LHX8: variants seen among roughly 807,000 people sequenced by gnomAD.
The protein encoded by LHX8 is LIM/homeobox protein Lhx8.
A neutral mutation model predicts 40.3 loss-of-function variants in LHX8; 12 were observed. The ratio of observed to expected loss-of-function variants is 0.30; its 90% CI spans 0.19 to 0.48. LHX8 has a LOEUF of 0.48. Ranked by LOEUF, LHX8 falls within the 20% of genes least tolerant of loss-of-function variation. The probability of loss-of-function intolerance (pLI) is 0.99; values close to 1 mark genes in which losing one functional copy is unlikely to be tolerated. For missense variants in LHX8, 344 were observed against 433.7 expected, an observed-to-expected ratio of 0.79 and a Z score of 1.84; for synonymous variants, 179 against 162.0, an observed-to-expected ratio of 1.10 and a Z score of -0.80.
the LHX8 span, among the ~76,000 whole-genome samples, chr1:75,180,465 C>T: frequency 6.6e-6 from 1 of 152,178 alleles, no homozygotes; most frequent in Non-Finnish European, 1.5e-5. Context: ...GATACCCTTT[C>T]TTCCACTTGA....
chr1:75,179,301 G>A, the LHX8 span, among the ~76,000 whole-genome samples: 1 of 152,076 alleles, frequency 6.6e-6, no homozygotes, highest in Non-Finnish European at 1.5e-5. Context: ...TATTGTGTGG[G>A]AGTCTAAGTC....
the LHX8 span, among the ~76,000 whole-genome samples, chr1:75,191,459 A>G: frequency 1.3e-5 from 2 of 152,254 alleles, no homozygotes; most frequent in East Asian, 3.9e-4. Flanking sequence ...ATGTTTTACC[A>G]TGCAATGCTA....
chr1:75,162,419 T>C (rs1049982991), downstream of LHX8, among the ~76,000 whole-genome samples: 5 of 152,164 alleles, frequency 3.3e-5, no homozygotes, highest in South Asian at 1.0e-3. Flanking sequence ...GGAAAGCTTT[T>C]GTAGTATAGC....
At chr1:75,166,639 A>T in the LHX8 span, among the ~76,000 whole-genome samples, 5 of 152,208 alleles carry the variant, frequency 3.3e-5, no homozygotes, top group Admixed American at 3.3e-4. Context: ...CCTCCAAGCG[A>T]GACCATATGC....
chr1:75,183,899 C>T, the LHX8 span, among the ~76,000 whole-genome samples: 1 of 152,184 alleles, frequency 6.6e-6, no homozygotes, highest in African/African-American at 2.4e-5. Flanking sequence ...CATGCAATTA[C>T]ATCCATACAT....
chr1:75,187,866 G>T, the LHX8 span, among the ~76,000 whole-genome samples: 1 of 152,136 alleles, frequency 6.6e-6, no homozygotes, highest in African/African-American at 2.4e-5. Context: ...GGACTAGACT[G>T]CATTCACCCA....
chr1:75,143,744 T>A (rs1024995021), intron 5 of LHX8, 101 bp from the exon 6 acceptor site: 13 of 857,064 alleles, frequency 1.5e-5, no homozygotes, highest in Non-Finnish European at 2.6e-5. Context: ...AGAAAACATA[T>A]ACAGTTACAC....
Position 75,148,610 on chromosome 1 carries a change from G to A in LHX8, c.708G>A (p.Gln236=). Residue 236 remains glutamine, a synonymous_variant, in exon 7 of 9, where the codon CAG becomes CAA. Coordinates refer to ENST00000356261, the MANE Select transcript of LHX8 (RefSeq NM_001256114.2). ...AGGTTATGCAAGCACAATTTGCTCA[G>A]GACAACAACCCAGATGCACAGACAC... The part of the protein sequence containing the change: ...QLQVMQAQFA[Q]DNNPDAQTLQ... 1 of 1,613,680 alleles carries A rather than the reference G, an allele frequency of 6.2e-7. No individual in the cohort carries two copies. The highest frequency in any genetic ancestry group is 8.5e-7 in the Non-Finnish European group (1 of 1,179,862).
At chr1:75,170,905 A>G in the LHX8 span, among the ~76,000 whole-genome samples, 1 of 152,134 alleles carries the variant, frequency 6.6e-6, no homozygotes, top group African/African-American at 2.4e-5. Flanking sequence ...AGTACACTAT[A>G]TTTACTCTTT....
chr1:75,176,855 G>A, the LHX8 span, among the ~76,000 whole-genome samples: 1 of 152,274 alleles, frequency 6.6e-6, no homozygotes, highest in Non-Finnish European at 1.5e-5. Flanking sequence ...TTTGTATAAG[G>A]TGTAAGGAAG....
At chr1:75,130,324 C>CTTGTACGAG (rs1647929525), upstream of LHX8, 1 of 312,872 alleles carries the variant, frequency 3.2e-6, no homozygotes, top group African/African-American at 2.1e-5. Flanking sequence ...CTCGTACAGA[C>CTTGTACGAG]TCTTGGTCGC....
At chr1:75,143,815 C>CA (rs780843496) in intron 5 of LHX8, 30 bp from the exon 6 acceptor site, 1 of 1,520,926 alleles carries the variant, frequency 6.6e-7, no homozygotes, top group Non-Finnish European at 9.1e-7. Flanking sequence ...TTTGAATTAC[C>CA]AACATATATA....
Position 75,139,308 on chromosome 1 carries a change from C to G in LHX8, c.238-1677C>G, listed in dbSNP as rs148910542. Among the ~76,000 whole-genome samples the G allele has an allele frequency of 8.8e-3, 1,339 of 152,234 alleles. 6 individuals are homozygous for G. Among genetic ancestry groups the G allele is most frequent in the Middle Eastern group, 0.02 (6 of 294 alleles). ...TCCAGAATCTCCTCTCTTCACCTTA[C>G]TTTACTCCCTGGCAAAGAAATGGAA... On this transcript the variant is annotated intron_variant, in intron 3 of 8. Coordinates refer to ENST00000356261, the MANE Select transcript of LHX8 (RefSeq NM_001256114.2).
the LHX8 span, among the ~76,000 whole-genome samples, chr1:75,194,329 G>A: frequency 1.3e-5 from 2 of 152,138 alleles, no homozygotes; most frequent in Admixed American, 1.3e-4. Context: ...GATAGTGAGG[G>A]GGCCACTGAG....
chr1:75,151,461 G>A (rs1350667527), intron 7 of LHX8, among the ~76,000 whole-genome samples: 1 of 152,204 alleles, frequency 6.6e-6, no homozygotes, highest in African/African-American at 2.4e-5. Context: ...ATATTTATCT[G>A]GAGATAAGGC....
At chr1:75,192,408 G>A in the LHX8 span, among the ~76,000 whole-genome samples, 2 of 152,116 alleles carry the variant, frequency 1.3e-5, no homozygotes, top group African/African-American at 2.4e-5. Flanking sequence ...CCCAATTCCA[G>A]TAGTCCTAAT....
At chr1:75,155,529 C>T (rs140469991) in intron 7 of LHX8, among the ~76,000 whole-genome samples, 7 of 152,102 alleles carry the variant, frequency 4.6e-5, no homozygotes, top group South Asian at 4.2e-4. Flanking sequence ...CCACTGCGCC[C>T]GGCCCATGAA....
chr1:75,182,397 G>A, the LHX8 span, among the ~76,000 whole-genome samples: 12,949 of 116,572 alleles, frequency 0.11, 938 homozygotes, highest in African/African-American at 0.22. Context: ...TTTTGAGACC[G>A]AGTTTCACTC....
chr1:75,164,086 T>C (rs1410219658), downstream of LHX8, among the ~76,000 whole-genome samples: 4 of 152,324 alleles, frequency 2.6e-5, no homozygotes, highest in Admixed American at 1.3e-4. Context: ...CTAAAACATA[T>C]AGTATTACAC....
Sources: allele counts gnomAD v4.1 joint callset (sites outside exome capture counted in the v4.1 genomes callset), GRCh38; gene constraint gnomAD v4.1.1; transcripts MANE v1.5; gene names NCBI Gene and HGNC (gene_info 2026-07-23, HGNC 2026-07-21).